Variants in ASB18 observed in about 807,000 individuals in gnomAD.
ASB18 encodes the protein ankyrin repeat and SOCS box protein 18.
In ASB18, 33 loss-of-function variants were observed where a neutral mutation model predicts 33.4. The observed-to-expected ratio is 0.99, with a 90% CI of 0.75 to 1.32. The LOEUF (loss-of-function observed/expected upper bound fraction) is 1.32. ASB18 is among the 40% of genes most tolerant of loss of function. ASB18 has a pLI of 0.00. For missense variants in ASB18, 694 were observed against 655.5 expected (o/e 1.06, Z -0.64); for synonymous variants, 295 against 307.6 (o/e 0.96, Z 0.43).
intron 1 of ASB18, among the ~76,000 whole-genome samples, chr2:236,242,943 C>T (rs1034045005): frequency 2.8e-5 from 4 of 141,254 alleles, no homozygotes; most frequent in Non-Finnish European, 6.0e-5. Context: ...ATCACTAGAG[C>T]TTGGGAGGTC....
chr2:236,199,786 G>A (rs1053005151), intron 4 of ASB18, among the ~76,000 whole-genome samples: 7 of 147,726 alleles, frequency 4.7e-5, no homozygotes, highest in African/African-American at 1.8e-4. Context: ...GATAAAATTT[G>A]TTTTTTTTTT....
At chr2:236,233,547 A>G (rs1404560712) in intron 3 of ASB18, among the ~76,000 whole-genome samples, 2 of 152,186 alleles carry the variant, frequency 1.3e-5, no homozygotes, top group African/African-American at 4.8e-5. Flanking sequence ...ATTCTACTAG[A>G]ACAGTGAGTT....
In ASB18 at chr2:236,262,575, T is replaced by C. The variant is rs1243352410; in HGVS notation, c.205+1566A>G. On this transcript the variant is annotated intron_variant, in intron 1 of 5. Transcript: ENST00000409749. This position sits in a 1 kb window ranked among gnomAD's most constrained non-coding sequence, Gnocchi z 5.2. ...GGAGCCAGAGGGCAAGTGGGACTGA[T>C]GCAGTTTGCAGAGATCAGCCTCGGG... Among the ~76,000 whole-genome samples the C allele has an allele frequency of 1.3e-5, 2 of 152,218 alleles. No individual in the cohort carries two copies. The highest frequency in any genetic ancestry group is 4.8e-5 in the African/African-American group (2 of 41,452).
intron 1 of ASB18, among the ~76,000 whole-genome samples, chr2:236,243,363 A>AAATAAGTG (rs1302213365): frequency 6.6e-6 from 1 of 151,016 alleles, no homozygotes; most frequent in Non-Finnish European, 1.5e-5. Context: ...TTACTACCTG[A>AAATAAGTG]AATAAGTGAA....
At chr2:236,232,559 T>A (rs1439931113) in intron 3 of ASB18, among the ~76,000 whole-genome samples, 1 of 151,796 alleles carries the variant, frequency 6.6e-6, no homozygotes, top group African/African-American at 2.4e-5. Context: ...CAAGACTTAT[T>A]GGGGGGAAAA....
chr2:236,254,240 A>G (rs1415781479), intron 1 of ASB18: 1 of 152,206 alleles, frequency 6.6e-6, no homozygotes, highest in Non-Finnish European at 1.5e-5. Context: ...GGCAGTACAG[A>G]ACATGGCAGC....
intron 4 of ASB18, among the ~76,000 whole-genome samples, chr2:236,198,837 AATG>A (rs1476036411): frequency 3.9e-5 from 6 of 152,178 alleles, no homozygotes; most frequent in African/African-American, 1.2e-4. Context: ...TTTTGCAAAT[AATG>A]ATATTTTTTT....
chr2:236,233,571 G>A (rs2060576518), intron 3 of ASB18, among the ~76,000 whole-genome samples: 1 of 151,996 alleles, frequency 6.6e-6, no homozygotes, highest in South Asian at 2.1e-4. Flanking sequence ...AAGGGTTATA[G>A]GATACAAGGT....
At chr2:236,230,110 C>T (rs1331633232) in intron 3 of ASB18, among the ~76,000 whole-genome samples, 2 of 151,506 alleles carry the variant, frequency 1.3e-5, no homozygotes, top group African/African-American at 4.9e-5. Flanking sequence ...TATATTCCAC[C>T]TGTTTGAGAA....
intron 4 of ASB18, among the ~76,000 whole-genome samples, chr2:236,198,875 CTT>C (rs968263481): frequency 5.9e-5 from 9 of 152,130 alleles, no homozygotes; most frequent in Non-Finnish European, 1.2e-4. Flanking sequence ...TATTTCTTGT[CTT>C]ATTACACTGG....
intron 4 of ASB18, among the ~76,000 whole-genome samples, chr2:236,202,121 T>C (rs1164176726): frequency 6.6e-6 from 1 of 152,016 alleles, no homozygotes; most frequent in Non-Finnish European, 1.5e-5. Flanking sequence ...GGCTAATTTT[T>C]TTGTATTTTT....
rs932032964 is a variant in ASB18 at position 236,263,154 on chromosome 2, A to G, written c.205+987T>C. On this transcript the variant is annotated intron_variant, in intron 1 of 5. Transcript: ENST00000409749. This position sits in a 1 kb window ranked among gnomAD's most constrained non-coding sequence, Gnocchi z 4.0. The stretch of plus-strand genomic sequence containing the variant: ...ATCTGACAAGCTGGGAAACAGCACA[A>G]TACAACTAAAAGTAAATCACAGGTC... 1.3e-5 allele frequency among the ~76,000 whole-genome samples: 2 copies of G among 152,252 alleles called. No individual in the cohort carries two copies. The highest frequency in any genetic ancestry group is 2.9e-5 in the Non-Finnish European group (2 of 68,048).
rs1315609986 is a variant in ASB18 at position 236,238,029 on chromosome 2, G to T, written c.329-73C>A. On this transcript the variant is annotated intron_variant, in intron 2 of 5. Coordinates refer to ENST00000409749, the MANE Select transcript of ASB18 (RefSeq NM_212556.4). This position sits in a 1 kb window ranked among gnomAD's most constrained non-coding sequence, Gnocchi z 5.2. ...GTGGTGGTGGGCGGTGTTCCTTAAG[G>T]CGGAAAGAAAGTGAAGCCGTCTCTT... 1 of 1,325,106 alleles carries T rather than the reference G, an allele frequency of 7.5e-7. No homozygotes were observed. The highest frequency in any genetic ancestry group is 9.8e-7 in the Non-Finnish European group (1 of 1,018,822). 82.1% of individuals were successfully genotyped at this position (1,325,106 alleles called of 1,614,324 possible). A position where few individuals can be genotyped will look rare whatever the true frequency, so the allele number is the denominator to read the frequency against.
rs1048254479 is a variant in ASB18, at chr2:236,259,036, G to A, written c.205+5105C>T. ...ACCAAATTGTACAGTTGATGCATTT[G>A]GGGGGCGAGATGGGTCTCACTGCCC... On this transcript the variant is annotated intron_variant, in intron 1 of 5. Transcript: ENST00000409749. This position sits in a 1 kb window ranked among gnomAD's most constrained non-coding sequence, Gnocchi z 4.4. 6.6e-6 allele frequency among the ~76,000 whole-genome samples: 1 copy of A among 152,098 alleles called. No homozygotes were observed. Among genetic ancestry groups the A allele is most frequent in the Admixed American group, 6.5e-5 (1 of 15,268 alleles).
In ASB18 at chr2:236,196,885, C is replaced by T. The variant is rs1281253808; in HGVS notation, c.1102-500G>A. Among the ~76,000 whole-genome samples the T allele has an allele frequency of 6.6e-6, 1 of 152,210 alleles. No individual in the cohort carries two copies. The highest frequency in any genetic ancestry group is 1.5e-5 in the Non-Finnish European group (1 of 68,018). Reference sequence around the variant, plus strand: ...TGACTTGGCATTTCCGTTTTATTTTCACAGTCCCCACTGGCAAAGATTCCT... The same window carrying T: ...TGACTTGGCATTTCCGTTTTATTTTTACAGTCCCCACTGGCAAAGATTCCT... On this transcript the variant is annotated intron_variant, in intron 4 of 5. Coordinates refer to ENST00000409749, the MANE Select transcript of ASB18 (RefSeq NM_212556.4). This position sits in a 1 kb window ranked among gnomAD's most constrained non-coding sequence, Gnocchi z 5.6.
In ASB18 at chr2:236,248,200, A is replaced by G. The variant is rs1207308465; in HGVS notation, c.206-6798T>C. The G allele has an allele frequency of 2.0e-5, 3 of 152,296 alleles. No individual in the cohort carries two copies. Among genetic ancestry groups the G allele is most frequent in the Admixed American group, 6.5e-5 (1 of 15,306 alleles). The allele number at this position is 152,296 out of a possible 1,614,324, so 9.4% of individuals were successfully genotyped here. A position where few individuals can be genotyped will look rare whatever the true frequency, so the allele number is the denominator to read the frequency against. On this transcript the variant is annotated intron_variant, in intron 1 of 5. Coordinates refer to ENST00000409749, the MANE Select transcript of ASB18 (RefSeq NM_212556.4). The surrounding 1 kb of genome is among the most constrained non-coding windows in gnomAD (Gnocchi z 4.9). ...GTTCAAACGTTGGCTACAAAAATGA[A>G]TCACCTGAGGAACTTTAAAAAACAC...
rs556588715 is a variant in ASB18, at chr2:236,244,531, C to T, written c.206-3129G>A. 3.3e-5 allele frequency among the ~76,000 whole-genome samples: 5 copies of T among 152,292 alleles called. No individual in the cohort carries two copies. Among genetic ancestry groups the T allele is most frequent in the Middle Eastern group, 3.4e-3 (1 of 294 alleles). ...TGGGCTGTGCATCCTTGGTCACAGT[C>T]GAGCTTCCTAAGCCTCCTTTTATGC... On this transcript the variant is annotated intron_variant, in intron 1 of 5. Coordinates refer to ENST00000409749, the MANE Select transcript of ASB18 (RefSeq NM_212556.4). The surrounding 1 kb of genome is among the most constrained non-coding windows in gnomAD (Gnocchi z 6.1).
rs1238438703 is a variant in ASB18, at chr2:236,228,836, G to A, written c.596+8853C>T. Reference sequence around the variant, plus strand: ...AAAGCTTAAAGGCAAGACCCAAAAGGATCAAACTATTTCCAAGTAACTTTA... The same window carrying A: ...AAAGCTTAAAGGCAAGACCCAAAAGAATCAAACTATTTCCAAGTAACTTTA... On this transcript the variant is annotated intron_variant, in intron 3 of 5. Coordinates refer to ENST00000409749, the MANE Select transcript of ASB18 (RefSeq NM_212556.4). This position sits in a 1 kb window ranked among gnomAD's most constrained non-coding sequence, Gnocchi z 5.1. Among the ~76,000 whole-genome samples, 1 of 152,172 alleles carries A rather than the reference G, an allele frequency of 6.6e-6. No homozygotes were observed. The highest frequency in any genetic ancestry group is 1.9e-4 in the East Asian group (1 of 5,194).
Position 236,241,199 on chromosome 2 carries a change from T to C in ASB18, c.328+81A>G. On this transcript the variant is annotated intron_variant, in intron 2 of 5. Coordinates refer to ENST00000409749, the MANE Select transcript of ASB18 (RefSeq NM_212556.4). The surrounding 1 kb of genome is among the most constrained non-coding windows in gnomAD (Gnocchi z 4.2). ...AAACCCAGTGCCACTGTGCCCAGTC[T>C]ACACACGGGAGCCTTACACTCCCAG... is the stretch of plus-strand genomic sequence containing the variant. 1 of 1,409,512 alleles carries C rather than the reference T, an allele frequency of 7.1e-7. No homozygotes were observed. Among genetic ancestry groups the C allele is most frequent in the Non-Finnish European group, 9.9e-7 (1 of 1,008,388 alleles). 87.3% of individuals were successfully genotyped at this position (1,409,512 alleles called of 1,614,324 possible).
Sources: allele counts gnomAD v4.1 joint callset (sites outside exome capture counted in the v4.1 genomes callset), GRCh38; gene constraint gnomAD v4.1.1; non-coding constraint Gnocchi (gnomAD v3.1); transcripts MANE v1.5; gene names NCBI Gene and HGNC (gene_info 2026-07-23, HGNC 2026-07-21).